The following PDSS2 variants were observed in gnomAD, a reference collection of about 807,000 sequenced individuals.
The protein encoded by PDSS2 is all trans-polyprenyl-diphosphate synthase PDSS2.
PDSS2 carries 31 observed loss-of-function variants against 44.5 expected under a neutral mutation model. The ratio of observed to expected loss-of-function variants is 0.70; its 90% CI spans 0.52 to 0.94. The LOEUF is 0.94. Among genes scored for constraint, PDSS2 ranks in the 40% least tolerant of loss-of-function variants. The probability of loss-of-function intolerance (pLI) is 0.00; values close to 1 mark genes in which losing one functional copy is unlikely to be tolerated. For missense variants in PDSS2, 452 were observed against 482.2 expected (o/e 0.94, Z 0.59); for synonymous variants, 157 against 180.3 (o/e 0.87, Z 1.03).
Position 107,459,402 on chromosome 6 carries a change from A to C in PDSS2, c.-117T>G. The stretch of plus-strand genomic sequence containing the variant: ...AAGGAAGCGGCAATTCTTGACCCTC[A>C]GAGTAAGGTGGCTTCCTGGAGCAGT... On this transcript the variant is annotated 5_prime_UTR_variant, in exon 1 of 8. The change abolishes the stop of an existing upstream ORF in the 5' untranslated region. Transcript: ENST00000369037. The surrounding 1 kb of genome is among the most constrained non-coding windows in gnomAD (Gnocchi z 4.3). 1.2e-6 allele frequency: 1 copy of C among 808,836 alleles called. No homozygotes were observed. Among genetic ancestry groups the C allele is most frequent in the Non-Finnish European group, 2.0e-6 (1 of 498,378 alleles). The allele number at this position is 808,836 out of a possible 1,614,324, so 50.1% of individuals were successfully genotyped here. A position where few individuals can be genotyped will look rare whatever the true frequency, so the allele number is the denominator to read the frequency against.
chr6:107,226,236 G>C (rs1773816090), intron 4 of PDSS2, among the ~76,000 whole-genome samples: 1 of 152,152 alleles, frequency 6.6e-6, no homozygotes, highest in African/African-American at 2.4e-5. Flanking sequence ...GTGAACCTGG[G>C]AGGCAGAGCT....
intron 2 of PDSS2, among the ~76,000 whole-genome samples, chr6:107,275,813 T>C (rs1582880816): frequency 6.6e-6 from 1 of 152,220 alleles, no homozygotes; most frequent in East Asian, 1.9e-4. Context: ...AAACTGTATC[T>C]TACTGAAAAG....
chr6:107,249,408 T>G (rs1177335299), intron 3 of PDSS2, among the ~76,000 whole-genome samples: 1 of 152,204 alleles, frequency 6.6e-6, no homozygotes. Context: ...AAGACCATTT[T>G]AACCAAAATC....
chr6:107,245,818 A>C (rs747382594), intron 3 of PDSS2, among the ~76,000 whole-genome samples, 199 bp from the exon 4 acceptor site: 3 of 152,166 alleles, frequency 2.0e-5, no homozygotes, highest in Non-Finnish European at 4.4e-5. Flanking sequence ...TTCAGTCATA[A>C]TTCAAGCCAA....
intron 2 of PDSS2, among the ~76,000 whole-genome samples, chr6:107,297,385 T>A (rs550413651): frequency 1.7e-4 from 22 of 129,504 alleles, no homozygotes; most frequent in African/African-American, 4.6e-4. Context: ...TGGGAGTGAA[T>A]TTTTTTTTTT....
intron 2 of PDSS2, among the ~76,000 whole-genome samples, chr6:107,284,533 C>T (rs1340389731): frequency 2.0e-5 from 3 of 151,850 alleles, no homozygotes; most frequent in African/African-American, 4.8e-5. Flanking sequence ...TGGTGGCAGG[C>T]GCCTGTAATC....
chr6:107,155,738 C>T (rs143936345), intron 7 of PDSS2, among the ~76,000 whole-genome samples: 3,797 of 151,666 alleles, frequency 0.025, 171 homozygotes, highest in African/African-American at 0.087. Flanking sequence ...CACCACCACG[C>T]CCAGGTAACT....
intron 2 of PDSS2, among the ~76,000 whole-genome samples, chr6:107,301,339 T>C (rs1582912829): frequency 1.3e-5 from 2 of 152,322 alleles, no homozygotes; most frequent in South Asian, 4.1e-4. Flanking sequence ...TAAAGTTTGT[T>C]TTCTGGTGAA....
intron 1 of PDSS2, among the ~76,000 whole-genome samples, chr6:107,446,744 A>C (rs1382057840): frequency 6.6e-6 from 1 of 152,196 alleles, no homozygotes; most frequent in Non-Finnish European, 1.5e-5. Flanking sequence ...TAAAACCATC[A>C]GATCTCATGA....
chr6:107,377,258 C>T (rs1562498402), intron 1 of PDSS2, among the ~76,000 whole-genome samples: 1 of 152,088 alleles, frequency 6.6e-6, no homozygotes, highest in African/African-American at 2.4e-5. Context: ...CAAAAGAAGA[C>T]ATTTATGCAG....
intron 1 of PDSS2, among the ~76,000 whole-genome samples, chr6:107,370,885 TTCC>T (rs1779108155): frequency 6.6e-6 from 1 of 152,146 alleles, no homozygotes; most frequent in Non-Finnish European, 1.5e-5. Flanking sequence ...AAGTGAATGC[TTCC>T]AGAAAATGTC....
chr6:107,345,519 C>T (rs746154037), intron 1 of PDSS2, among the ~76,000 whole-genome samples: 9 of 151,346 alleles, frequency 5.9e-5, no homozygotes, highest in Non-Finnish European at 1.2e-4. Context: ...TTACTCATAA[C>T]ATATTATGAA....
intron 1 of PDSS2, among the ~76,000 whole-genome samples, chr6:107,384,433 G>A (rs1055473168): frequency 6.6e-6 from 1 of 152,088 alleles, no homozygotes; most frequent in Non-Finnish European, 1.5e-5. Flanking sequence ...CTGAAGTCAG[G>A]AGTTCGAGAC....
chr6:107,170,425 T>G (rs1554248258), intron 7 of PDSS2, among the ~76,000 whole-genome samples: 1 of 152,162 alleles, frequency 6.6e-6, no homozygotes, highest in Non-Finnish European at 1.5e-5. Context: ...TTGCACTTCC[T>G]GGGTGAGGCA....
At chr6:107,365,105 TA>T (rs1037447701) in intron 1 of PDSS2, among the ~76,000 whole-genome samples, 2 of 152,008 alleles carry the variant, frequency 1.3e-5, no homozygotes, top group African/African-American at 2.4e-5. Context: ...TGGGTAAATG[TA>T]AAAAAAATCT....
At chr6:107,350,450 A>G (rs1778396522) in intron 1 of PDSS2, among the ~76,000 whole-genome samples, 1 of 152,250 alleles carries the variant, frequency 6.6e-6, no homozygotes, top group Non-Finnish European at 1.5e-5. Flanking sequence ...GAGACAATGT[A>G]AATTTTCTTA....
chr6:107,413,778 T>C (rs1780575740), intron 1 of PDSS2, among the ~76,000 whole-genome samples: 1 of 152,126 alleles, frequency 6.6e-6, no homozygotes, highest in Non-Finnish European at 1.5e-5. Context: ...ACAAAGAACA[T>C]GGTACTTTTT....
In PDSS2 at chr6:107,153,029, C is replaced by T. The variant is rs1314412762; in HGVS notation, c.*1590G>A. 6.6e-6 allele frequency: 1 copy of T among 152,468 alleles called. No individual in the cohort carries two copies. The highest frequency in any genetic ancestry group is 1.5e-5 in the Non-Finnish European group (1 of 68,028). The allele number at this position is 152,468 out of a possible 1,614,324, so 9.4% of individuals were successfully genotyped here. ...AGTACACTTAAAATATTTTATAATA[C>T]AATACATTAACCTCTGTAGCTTTAC... On this transcript the variant is annotated 3_prime_UTR_variant, in exon 8 of 8. Transcript: ENST00000369037.
At chr6:107,243,838 C>A (rs1399060492) in intron 4 of PDSS2, among the ~76,000 whole-genome samples, 1 of 152,120 alleles carries the variant, frequency 6.6e-6, no homozygotes, top group Non-Finnish European at 1.5e-5. Flanking sequence ...CTGCCATGCC[C>A]CCATCCTGGG....
Sources: allele counts gnomAD v4.1 joint callset (sites outside exome capture counted in the v4.1 genomes callset), GRCh38; gene constraint gnomAD v4.1.1; non-coding constraint Gnocchi (gnomAD v3.1); transcripts MANE v1.5; gene names NCBI Gene and HGNC (gene_info 2026-07-23, HGNC 2026-07-21).